SDCCAG8: variants seen among roughly 807,000 people sequenced by gnomAD.
SDCCAG8 encodes serologically defined colon cancer antigen 8.
Under a neutral mutation model 101.8 loss-of-function variants are expected in SDCCAG8, and 74 were observed. The ratio of observed to expected loss-of-function variants is 0.73; its 90% CI spans 0.60 to 0.88. SDCCAG8 has a LOEUF of 0.88. Ranked by LOEUF, SDCCAG8 falls within the 40% of genes least tolerant of loss-of-function variation. SDCCAG8 has a pLI of 0.00. For synonymous variants in SDCCAG8, 281 were observed against 292.9 expected, an observed-to-expected ratio of 0.96 and a Z score of 0.41; for missense variants, 787 against 822.6, an observed-to-expected ratio of 0.96 and a Z score of 0.53.
At chr1:243,435,448 T>A (rs1391647932) in intron 16 of SDCCAG8, among the ~76,000 whole-genome samples, 2 of 152,242 alleles carry the variant, frequency 1.3e-5, no homozygotes, top group African/African-American at 4.8e-5. Flanking sequence ...TATTCATTCA[T>A]ATCCTTCATT....
At chr1:243,312,706 CAA>C (rs34803859) in intron 8 of SDCCAG8, among the ~76,000 whole-genome samples, 36 of 99,164 alleles carry the variant, frequency 3.6e-4, no homozygotes, top group Admixed American at 5.7e-4. Context: ...AACCTGTCTC[CAA>C]AAAAAAAAAA....
chr1:243,386,791 A>AGAGAGAGAGAGAGAG (rs1558395246), intron 13 of SDCCAG8, among the ~76,000 whole-genome samples: 5 of 139,752 alleles, frequency 3.6e-5, no homozygotes, highest in African/African-American at 1.5e-4. Flanking sequence ...GAGAGAGAGA[A>AGAGAGAGAGAGAGAG]AGAAAGAAAG....
chr1:243,386,014 G>A (rs367966044), intron 13 of SDCCAG8, among the ~76,000 whole-genome samples: 4 of 152,168 alleles, frequency 2.6e-5, no homozygotes, highest in Admixed American at 6.5e-5. Flanking sequence ...TAGTATCTGC[G>A]TGGTACCACG....
At chr1:243,360,678 C>T (rs2147850726) in intron 12 of SDCCAG8, among the ~76,000 whole-genome samples, 1 of 152,030 alleles carries the variant, frequency 6.6e-6, no homozygotes, top group Middle Eastern at 3.4e-3. Flanking sequence ...AAAAATTAGC[C>T]AGGCACGGTG....
intron 16 of SDCCAG8, among the ~76,000 whole-genome samples, chr1:243,479,443 C>T (rs889967409): frequency 5.3e-5 from 8 of 152,156 alleles, no homozygotes; most frequent in Non-Finnish European, 7.3e-5. Flanking sequence ...ATAGACAAAA[C>T]GTGAATGAAT....
At chr1:243,464,895 G>C in intron 16 of SDCCAG8, among the ~76,000 whole-genome samples, 1 of 152,312 alleles carries the variant, frequency 6.6e-6, no homozygotes, top group East Asian at 1.9e-4. Flanking sequence ...TTACAGACTT[G>C]AGTATTCTTC....
chr1:243,499,717 C>T (rs763243770), intron 17 of SDCCAG8, 39 bp from the exon 18 acceptor site: 1 of 1,491,246 alleles, frequency 6.7e-7, no homozygotes, highest in Non-Finnish European at 9.4e-7. Context: ...CATTGAAGAA[C>T]ATGAGCTATT....
chr1:243,430,406 C>T (rs1436135157), intron 16 of SDCCAG8, among the ~76,000 whole-genome samples: 1 of 152,070 alleles, frequency 6.6e-6, no homozygotes. Flanking sequence ...AAGGGCTGGA[C>T]CTAAAGGCAG....
At chr1:243,268,829 C>T (rs2067844440) in intron 1 of SDCCAG8, among the ~76,000 whole-genome samples, 1 of 152,222 alleles carries the variant, frequency 6.6e-6, no homozygotes, top group East Asian at 1.9e-4. Context: ...GGTAATGAAT[C>T]AGGTCTCTTT....
At chr1:243,403,686 G>A (rs980202786) in intron 13 of SDCCAG8, among the ~76,000 whole-genome samples, 4 of 152,160 alleles carry the variant, frequency 2.6e-5, no homozygotes, top group Non-Finnish European at 5.9e-5. Context: ...AACTGCGCAT[G>A]TGAGGGATCT....
chr1:243,319,659 C>T (rs1029705791), intron 9 of SDCCAG8, among the ~76,000 whole-genome samples: 9 of 152,174 alleles, frequency 5.9e-5, no homozygotes. Context: ...AGGCGTGAGC[C>T]ACCGCGCCTG....
intron 8 of SDCCAG8, 142 bp from the exon 9 acceptor site, chr1:243,316,613 T>A (rs186076802): frequency 2.9e-4 from 280 of 978,628 alleles, no homozygotes; most frequent in African/African-American, 2.6e-3. Context: ...AGGGTCTTTC[T>A]CTGGGGTGTG....
chr1:243,495,233 T>C (rs1197164299), intron 17 of SDCCAG8, among the ~76,000 whole-genome samples: 1 of 152,236 alleles, frequency 6.6e-6, no homozygotes, highest in Admixed American at 6.5e-5. Context: ...GGGGCCTCCC[T>C]GGCCTGTGCG....
intron 16 of SDCCAG8, among the ~76,000 whole-genome samples, chr1:243,480,573 GGTGGGT>G: frequency 9.2e-6 from 1 of 108,408 alleles, no homozygotes; most frequent in African/African-American, 3.8e-5. Flanking sequence ...GGGATGGATG[GGTGGGT>G]GGGATGGATG....
chr1:243,389,940 G>A (rs2078599820), intron 13 of SDCCAG8, among the ~76,000 whole-genome samples: 1 of 152,168 alleles, frequency 6.6e-6, no homozygotes, highest in Non-Finnish European at 1.5e-5. Flanking sequence ...ACCAAGTCAG[G>A]CACTGGGTGT....
chr1:243,271,855 C>T (rs1048010126), intron 3 of SDCCAG8, among the ~76,000 whole-genome samples: 7 of 151,972 alleles, frequency 4.6e-5, no homozygotes, highest in Admixed American at 6.6e-5. Context: ...CAAAATAATA[C>T]GTTTTAATAT....
chr1:243,258,294 T>C (rs1378345591), intron 1 of SDCCAG8, among the ~76,000 whole-genome samples: 2 of 152,240 alleles, frequency 1.3e-5, no homozygotes, highest in African/African-American at 4.8e-5. Flanking sequence ...GCACTTTTAT[T>C]TTTGTATGTT....
intron 12 of SDCCAG8, among the ~76,000 whole-genome samples, chr1:243,378,355 T>C (rs955342107): frequency 3.9e-5 from 6 of 152,132 alleles, no homozygotes. Context: ...TTGATGTAAA[T>C]CACTGCATGT....
rs76503521 is a variant in SDCCAG8 at position 243,470,398 on chromosome 1, A to G, written c.1986-18616A>G. Among the ~76,000 whole-genome samples the G allele has an allele frequency of 7.1e-3, 1,086 of 151,984 alleles. 16 individuals carry two copies. The highest frequency in any genetic ancestry group is 0.025 in the African/African-American group (1,051 of 41,460). On this transcript the variant is annotated intron_variant, in intron 16 of 17. Transcript: ENST00000366541. ...CCTGGCCTGATGGAATATTTTTCTA[A>G]TGCCCCCACTTTTCCCAACTGCTCT...
Sources: allele counts gnomAD v4.1 joint callset (sites outside exome capture counted in the v4.1 genomes callset), GRCh38; gene constraint gnomAD v4.1.1; transcripts MANE v1.5; gene names NCBI Gene and HGNC (gene_info 2026-07-23, HGNC 2026-07-21).